Variants in CBR4 observed in about 807,000 individuals in gnomAD.
CBR4 encodes carbonyl reductase 4, also known as 3-oxoacyl-[acyl-carrier-protein] reductase.
Under a neutral mutation model 21.0 loss-of-function variants are expected in CBR4, and 22 were observed. The ratio of observed to expected loss-of-function variants is 1.05; its 90% CI spans 0.75 to 1.50. The LOEUF (loss-of-function observed/expected upper bound fraction) is 1.50, where lower values mean the gene tolerates loss of function less well. Among genes scored for constraint, CBR4 ranks in the 40% most tolerant of loss-of-function variants. CBR4 has a pLI of 0.00. For missense variants in CBR4, 302 were observed against 286.3 expected (o/e 1.05, Z -0.40); for synonymous variants, 100 against 104.4 (o/e 0.96, Z 0.26).
chr4:168,984,637 C>T (rs1276651465), downstream of CBR4, among the ~76,000 whole-genome samples: 3 of 152,096 alleles, frequency 2.0e-5, no homozygotes, highest in Non-Finnish European at 2.9e-5. Context: ...AAGCTGGAGG[C>T]ATCACACTAC....
chr4:168,895,786 A>G (rs982562243), intron 2 of CBR4, among the ~76,000 whole-genome samples: 2 of 152,264 alleles, frequency 1.3e-5, no homozygotes, highest in Non-Finnish European at 2.9e-5. Context: ...TTTAGTCTTA[A>G]TATCTAGTCA....
chr4:168,935,207 G>A (rs989854969), intron 2 of CBR4, among the ~76,000 whole-genome samples: 12 of 152,204 alleles, frequency 7.9e-5, no homozygotes, highest in African/African-American at 9.6e-5. Context: ...AAGGGAAGCC[G>A]TGAGGGACTG....
At chr4:168,924,464 T>C (rs761759460) in intron 2 of CBR4, 4 of 1,511,296 alleles carry the variant, frequency 2.6e-6, no homozygotes, top group Non-Finnish European at 3.7e-6. Flanking sequence ...TGTTCAGTCC[T>C]AATGATGTAT....
chr4:169,003,786 A>G (rs1265602038), intron 3 of CBR4, among the ~76,000 whole-genome samples: 3 of 152,226 alleles, frequency 2.0e-5, no homozygotes, highest in Non-Finnish European at 2.9e-5. Context: ...TGATGAGTTC[A>G]TGTCCTTTGT....
chr4:168,904,464 G>A (rs921922229), intron 2 of CBR4, among the ~76,000 whole-genome samples: 3 of 152,130 alleles, frequency 2.0e-5, no homozygotes, highest in Admixed American at 6.5e-5. Context: ...AAAATCAGTT[G>A]CCTTCTTAGA....
In CBR4 at chr4:168,989,961, C is replaced by CAAAA. The variant is rs77665357; in HGVS notation, c.*185_*188dup. ...AAAACAACACTGATGTAACTTAGAC[C>CAAAA]AAAAAAAAAAAAACCACAATTTGTC... is the stretch of plus-strand genomic sequence containing the variant. On this transcript the variant is annotated 3_prime_UTR_variant, in exon 5 of 5. Transcript: ENST00000306193. 3 of 1,023,698 alleles carry CAAAA rather than the reference C, an allele frequency of 2.9e-6. No homozygotes were observed. The highest frequency in any genetic ancestry group is 4.2e-5 in the South Asian group (1 of 24,086). The allele number at this position is 1,023,698 out of a possible 1,614,324, so 63.4% of individuals were successfully genotyped here.
At chr4:168,895,909 A>C (rs1488639476) in intron 2 of CBR4, among the ~76,000 whole-genome samples, 1 of 152,230 alleles carries the variant, frequency 6.6e-6, no homozygotes, top group Admixed American at 6.5e-5. Context: ...AAATATTGTA[A>C]GTTGAAAGTG....
chr4:168,955,253 C>A (rs1763651445), intron 2 of CBR4, among the ~76,000 whole-genome samples: 2 of 151,926 alleles, frequency 1.3e-5, no homozygotes, highest in South Asian at 2.1e-4. Flanking sequence ...ATACATGAGG[C>A]CTAATTCTGA....
intron 2 of CBR4, chr4:168,924,537 T>G (rs912169512): frequency 3.8e-6 from 4 of 1,052,172 alleles, no homozygotes; most frequent in African/African-American, 1.6e-5. Flanking sequence ...TGTTTTGATT[T>G]TTGATGAAAT....
intron 4 of CBR4, among the ~76,000 whole-genome samples, chr4:168,991,534 T>C (rs1764923116): frequency 6.6e-6 from 1 of 152,176 alleles, no homozygotes; most frequent in South Asian, 2.1e-4. Flanking sequence ...AAAATTCAAA[T>C]TCAGTAAAGC....
chr4:169,007,498 T>A, intron 2 of CBR4, 138 bp downstream of exon 2: 1 of 454,930 alleles, frequency 2.2e-6, no homozygotes, highest in Non-Finnish European at 3.6e-6. Context: ...AAATAATTTA[T>A]GGATTGACAA....
chr4:168,963,039 A>C (rs1763909899), intron 2 of CBR4, among the ~76,000 whole-genome samples: 1 of 152,222 alleles, frequency 6.6e-6, no homozygotes. Flanking sequence ...TCATTCAGAT[A>C]GTTTAAATAA....
chr4:168,975,730 T>C (rs1222321778), intron 2 of CBR4, among the ~76,000 whole-genome samples: 1 of 152,152 alleles, frequency 6.6e-6, no homozygotes, highest in Non-Finnish European at 1.5e-5. Flanking sequence ...TAGGCAGGTC[T>C]GAGCTCAGAT....
chr4:169,009,836 A>C (rs1731254412), intron 1 of CBR4, 112 bp downstream of exon 1: 1 of 1,026,944 alleles, frequency 9.7e-7, no homozygotes, highest in South Asian at 1.7e-5. Context: ...ACGCGGCTAC[A>C]TCGAGTAACC....
intron 2 of CBR4, among the ~76,000 whole-genome samples, chr4:168,965,554 T>C (rs1005802920): frequency 6.6e-6 from 1 of 152,086 alleles, no homozygotes. Flanking sequence ...AAAACAGATA[T>C]ATAGACCAAT....
At chr4:168,993,845 T>C (rs904357577) in intron 4 of CBR4, among the ~76,000 whole-genome samples, 13 of 152,188 alleles carry the variant, frequency 8.5e-5, no homozygotes, top group African/African-American at 3.1e-4. Flanking sequence ...CTTCTGACTC[T>C]GCTGGCCTGG....
chr4:168,927,516 G>A (rs1762712600), intron 2 of CBR4: 3 of 231,864 alleles, frequency 1.3e-5, no homozygotes, highest in Non-Finnish European at 2.6e-5. Flanking sequence ...GCATAAATGA[G>A]AAATTGCCTG....
chr4:168,925,467 A>G (rs1024877503), intron 2 of CBR4: 63 of 610,672 alleles, frequency 1.0e-4, no homozygotes, highest in Non-Finnish European at 1.7e-4. Context: ...TTCTTCCTAT[A>G]TTCTATCGCA....
intron 2 of CBR4, among the ~76,000 whole-genome samples, chr4:168,905,790 C>CTTGTTTTTTTTT: frequency 8.8e-6 from 1 of 113,096 alleles, no homozygotes; most frequent in Non-Finnish European, 1.7e-5. Flanking sequence ...GCTTTTTTTT[C>CTTGTTTTTTTTT]TTTTTTTTTT....
Sources: gnomAD v4.1 joint callset for allele counts (sites outside exome capture counted in the v4.1 genomes callset) on GRCh38, gnomAD v4.1.1 for gene constraint, MANE v1.5 for transcripts, NCBI Gene and HGNC (gene_info 2026-07-23, HGNC 2026-07-21) for gene names.